STK35: variants seen among roughly 807,000 people sequenced by gnomAD.
STK35 encodes serine/threonine-protein kinase 35.
A neutral mutation model predicts 37.3 loss-of-function variants in STK35; 17 were observed. The ratio of observed to expected loss-of-function variants is 0.46; its 90% confidence interval spans 0.31 to 0.68. The LOEUF (loss-of-function observed/expected upper bound fraction) is 0.68, where lower values mean the gene tolerates loss of function less well. Among genes scored for constraint, STK35 ranks in the 30% least tolerant of loss-of-function variants. STK35 has a pLI of 0.05. For synonymous variants in STK35, 385 were observed against 319.1 expected (o/e 1.21, Z -2.20); for missense variants, 595 against 746.7 (o/e 0.80, Z 2.37).
At chr20:2,116,264 C>A (rs541801961) in intron 2 of STK35, among the ~76,000 whole-genome samples, 1 of 152,280 alleles carries the variant, frequency 6.6e-6, no homozygotes, top group Admixed American at 6.5e-5. Flanking sequence ...GAGGGAAGGT[C>A]ATTTGCTCAG....
chr20:2,125,396 G>A (rs967553196), intron 3 of STK35, among the ~76,000 whole-genome samples: 8 of 152,188 alleles, frequency 5.3e-5, no homozygotes, highest in African/African-American at 9.7e-5. Flanking sequence ...TCTGTTATGT[G>A]CCCTCTTTTC....
At chr20:2,114,482 T>C (rs1267908749) in intron 2 of STK35, among the ~76,000 whole-genome samples, 1 of 152,152 alleles carries the variant, frequency 6.6e-6, no homozygotes. Context: ...GACAAATAGC[T>C]GCACTCCCAG....
rs142046176 is a variant in STK35, at chr20:2,116,310, G to A, written c.893-356G>A. Among the ~76,000 whole-genome samples the A allele has an allele frequency of 4.2e-3, 645 of 152,318 alleles. 2 individuals carry two copies. Among genetic ancestry groups the A allele is most frequent in the Non-Finnish European group, 6.3e-3 (427 of 68,022 alleles). On this transcript the variant is annotated intron_variant, in intron 2 of 3. Coordinates refer to ENST00000381482, the MANE Select transcript of STK35 (RefSeq NM_080836.4). ...CAATGATATTAGAAGCAACAGACCC[G>A]TGACAGCCTTCTTGCATGCTTTCCC...
chr20:2,116,141 G>A (rs1475283504), intron 2 of STK35, among the ~76,000 whole-genome samples: 1 of 152,126 alleles, frequency 6.6e-6, no homozygotes, highest in African/African-American at 2.4e-5. Flanking sequence ...GGATCGGACT[G>A]TGCCTCTGAA....
At chr20:2,102,729 GC>G in intron 1 of STK35, 38 bp from the exon 2 acceptor site, 2 of 1,376,456 alleles carry the variant, frequency 1.5e-6, no homozygotes, top group East Asian at 6.1e-5. Context: ...TGGCCTCCCC[GC>G]CTTGGCCTGG....
rs936738522 is a variant in STK35 at position 2,145,642 on chromosome 20, T to C, written c.*1896T>C. 6.6e-6 allele frequency: 1 copy of C among 152,218 alleles called. No homozygotes were observed. Among genetic ancestry groups the C allele is most frequent in the African/African-American group, 2.4e-5 (1 of 41,436 alleles). 9.4% of individuals were successfully genotyped at this position (152,218 alleles called of 1,614,324 possible). On this transcript the variant is annotated 3_prime_UTR_variant, in exon 4 of 4. Transcript: ENST00000381482. ...CCTTCCCTTCCTAAGCCAAAACCCA[T>C]TGTGACTGCCTGTCTCTCCTGTCTC...
At chr20:2,103,395 G>C (rs13039180) in intron 2 of STK35, 30 bp downstream of exon 2, 33,924 of 1,590,558 alleles carry the variant, frequency 0.021, 441 homozygotes, top group Non-Finnish European at 0.026. Flanking sequence ...TTCCACCCAC[G>C]CAGGGCCTGG....
chr20:2,109,219 T>C (rs1217760522), intron 2 of STK35, among the ~76,000 whole-genome samples: 1 of 152,076 alleles, frequency 6.6e-6, no homozygotes, highest in Non-Finnish European at 1.5e-5. Flanking sequence ...GTGGACTAAA[T>C]CTGGGGAAAG....
chr20:2,143,821 T>C lies in STK35; in HGVS notation c.*75T>C, dbSNP rs1037040909. ...GGACCCACAGTCTCACCACGTCTCC[T>C]CCAGAGGACGGCAGAGGGTACAGGT... On this transcript the variant is annotated 3_prime_UTR_variant, in exon 4 of 4. Transcript: ENST00000381482. The C allele has an allele frequency of 1.4e-5, 6 of 414,396 alleles. No homozygotes were observed. The highest frequency in any genetic ancestry group is 6.4e-5 in the African/African-American group (3 of 46,914). The allele number at this position is 414,396 out of a possible 1,614,324, so 25.7% of individuals were successfully genotyped here.
chr20:2,112,135 CTGG>C (rs1985631245), intron 2 of STK35, among the ~76,000 whole-genome samples: 1 of 152,254 alleles, frequency 6.6e-6, no homozygotes, highest in Admixed American at 6.5e-5. Flanking sequence ...AATCTAACTT[CTGG>C]AGAAGGCTTA....
intron 3 of STK35, among the ~76,000 whole-genome samples, chr20:2,124,444 G>T (rs1413241283): frequency 6.6e-6 from 1 of 152,172 alleles, no homozygotes; most frequent in African/African-American, 2.4e-5. Flanking sequence ...CCAAAGGGAG[G>T]ATGGGAAAAG....
chr20:2,115,895 G>GCC (rs373962357), intron 2 of STK35, among the ~76,000 whole-genome samples: 198 of 150,500 alleles, frequency 1.3e-3, no homozygotes, highest in African/African-American at 4.1e-3. Context: ...GGCCACTCCT[G>GCC]CCCCCCCCTT....
At chr20:2,139,793 G>GTT (rs1287216695) in intron 3 of STK35, among the ~76,000 whole-genome samples, 1 of 152,210 alleles carries the variant, frequency 6.6e-6, no homozygotes, top group Non-Finnish European at 1.5e-5. Context: ...AGTGATTGCT[G>GTT]TTACGCCAGT....
Position 2,102,949 on chromosome 20 carries a change from C to G in STK35, c.476C>G (p.Ala159Gly). The G allele has an allele frequency of 6.7e-7, 1 of 1,486,860 alleles. No individual in the cohort carries two copies. Among genetic ancestry groups the G allele is most frequent in the Non-Finnish European group, 8.9e-7 (1 of 1,123,798 alleles). 92.1% of individuals were successfully genotyped at this position (1,486,860 alleles called of 1,614,324 possible). A position where few individuals can be genotyped will look rare whatever the true frequency, so the allele number is the denominator to read the frequency against. The change falls in exon 2 of 4, where the codon GCG becomes GGG. Residue 159 changes from alanine to glycine, a missense_variant. By Grantham distance (60) the Ala-to-Gly change is moderately conservative. Transcript: ENST00000381482. ...AAAAGGCGAAGCCCAGTGCCGCGGG[C>G]GCCCAGCACGAAGCTGAGGCCGGCG... ...ERKRRSPVPR[A>G]PSTKLRPAAA...
intron 2 of STK35, among the ~76,000 whole-genome samples, chr20:2,109,467 A>T (rs1985576615): frequency 6.6e-6 from 1 of 152,224 alleles, no homozygotes; most frequent in African/African-American, 2.4e-5. Flanking sequence ...TCATTTAATC[A>T]TCACCACTGT....
intron 2 of STK35, among the ~76,000 whole-genome samples, chr20:2,109,400 C>G (rs967875972): frequency 1.3e-5 from 2 of 152,248 alleles, no homozygotes; most frequent in African/African-American, 4.8e-5. Context: ...TAACAAACCC[C>G]TGTAATGTTC....
intron 3 of STK35, among the ~76,000 whole-genome samples, chr20:2,126,854 C>T (rs764709850): frequency 1.3e-5 from 2 of 152,254 alleles, no homozygotes; most frequent in African/African-American, 2.4e-5. Context: ...CAGTTTGCAT[C>T]GTACACAGGT....
chr20:2,119,592 T>TTGAG lies in STK35; in HGVS notation c.*37+2178_*37+2179insGAGT, dbSNP rs558616364. On this transcript the variant is annotated intron_variant, in intron 3 of 3. Coordinates refer to ENST00000381482, the MANE Select transcript of STK35 (RefSeq NM_080836.4). ...TTCACCTTTACAACCCTGCAAGGGA[T>TTGAG]TAAGTAATTTACCCCAGATCCTACT... Among the ~76,000 whole-genome samples the TTGAG allele has an allele frequency of 1.3e-4, 20 of 152,378 alleles. No individual in the cohort carries two copies. In the East Asian group the frequency reaches 3.7e-3, roughly 28 times the overall value.
rs34068371 is a variant in STK35, at chr20:2,134,260, C to CAA, written c.*38-9508_*38-9507dup. Among the ~76,000 whole-genome samples, 617 of 119,104 alleles carry CAA rather than the reference C, an allele frequency of 5.2e-3. 4 individuals carry two copies. The highest frequency in any genetic ancestry group is 7.1e-3 in the Non-Finnish European group (436 of 61,072). The allele number at this position is 119,104 out of a possible 152,430, so 78.1% of individuals were successfully genotyped here. A position where few individuals can be genotyped will look rare whatever the true frequency, so the allele number is the denominator to read the frequency against. On this transcript the variant is annotated intron_variant, in intron 3 of 3. Coordinates refer to ENST00000381482, the MANE Select transcript of STK35 (RefSeq NM_080836.4). ...GGGCAACAGAGCGAGACTCCGTCTC[C>CAA]AAAAAAAAAAAAAAAAAGATGGGGC...
Sources: gnomAD v4.1 joint callset for allele counts (sites outside exome capture counted in the v4.1 genomes callset) on GRCh38, gnomAD v4.1.1 for gene constraint, MANE v1.5 for transcripts, NCBI Gene and HGNC (gene_info 2026-07-23, HGNC 2026-07-21) for gene names.